RBFOX1: variants seen among roughly 807,000 people sequenced by gnomAD.
RBFOX1 encodes RNA binding fox-1 homolog 1.
In RBFOX1, 8 loss-of-function variants were observed where a neutral mutation model predicts 57.7. The observed-to-expected ratio is 0.14, with a 90% confidence interval of 0.08 to 0.25. RBFOX1 has a LOEUF of 0.25. RBFOX1 is among the 10% of genes least tolerant of loss of function. The pLI, the probability that RBFOX1 is intolerant of heterozygous loss-of-function variation, is 1.00. For missense variants in RBFOX1, 611 were observed against 548.5 expected (o/e 1.11, Z -1.14); for synonymous variants, 326 against 222.4 (o/e 1.47, Z -4.15).
chr16:6,044,749 T>A (rs2095477356), intron 1 of RBFOX1, among the ~76,000 whole-genome samples: 1 of 152,188 alleles, frequency 6.6e-6, no homozygotes, highest in South Asian at 2.1e-4. Flanking sequence ...AAATAACACA[T>A]ACCAAGATCC....
chr16:6,088,918 A>G (rs1316305406), intron 1 of RBFOX1, among the ~76,000 whole-genome samples: 1 of 151,928 alleles, frequency 6.6e-6, no homozygotes, highest in Non-Finnish European at 1.5e-5. Flanking sequence ...AACACAGTGA[A>G]ATCCCATCTC....
chr16:5,627,349 T>A (rs1241004624), intron 3 of RBFOX1, among the ~76,000 whole-genome samples: 1 of 152,176 alleles, frequency 6.6e-6, no homozygotes, highest in Non-Finnish European at 1.5e-5. Context: ...TCTGGTAGAA[T>A]TGTAAAACAG....
chr16:7,284,049 A>T (rs941620111), intron 4 of RBFOX1, among the ~76,000 whole-genome samples: 1 of 152,220 alleles, frequency 6.6e-6, no homozygotes, highest in African/African-American at 2.4e-5. Context: ...CGTAGCCTTT[A>T]GGCCTGACTA....
At chr16:7,097,512 G>C (rs1351177) in intron 4 of RBFOX1, among the ~76,000 whole-genome samples, 26,375 of 152,130 alleles carry the variant, frequency 0.17, 2,597 homozygotes, top group East Asian at 0.36. Context: ...TGTTTTAATT[G>C]AGAAGTGTTA....
At chr16:6,782,686 A>G (rs534738053) in intron 3 of RBFOX1, among the ~76,000 whole-genome samples, 1 of 152,308 alleles carries the variant, frequency 6.6e-6, no homozygotes, top group South Asian at 2.1e-4. Context: ...TGCCCATGAG[A>G]AGAATGTGTA....
At chr16:5,587,541 C>T (rs755517499) in intron 2 of RBFOX1, among the ~76,000 whole-genome samples, 14 of 152,064 alleles carry the variant, frequency 9.2e-5, no homozygotes, top group Admixed American at 6.5e-5. Context: ...GGTGAAACCC[C>T]GTCTCTACTA....
chr16:5,493,874 T>C (rs2042915033), intron 2 of RBFOX1, among the ~76,000 whole-genome samples: 1 of 152,140 alleles, frequency 6.6e-6, no homozygotes, highest in African/African-American at 2.4e-5. Context: ...GTAGCCAAAA[T>C]ATGAAATTAA....
intron 2 of RBFOX1, among the ~76,000 whole-genome samples, chr16:6,337,457 C>T (rs1438472880): frequency 6.6e-6 from 1 of 152,076 alleles, no homozygotes; most frequent in Non-Finnish European, 1.5e-5. Context: ...AACGAGAATA[C>T]GAATATATGT....
At chr16:6,167,119 A>G (rs1291763688) in intron 1 of RBFOX1, among the ~76,000 whole-genome samples, 3 of 152,140 alleles carry the variant, frequency 2.0e-5, no homozygotes, top group African/African-American at 4.8e-5. Context: ...AAGGGAGGGT[A>G]TTTGCTGACG....
At chr16:7,611,514 G>A (rs1596469537) in intron 10 of RBFOX1, among the ~76,000 whole-genome samples, 2 of 151,930 alleles carry the variant, frequency 1.3e-5, no homozygotes, top group African/African-American at 4.8e-5. Context: ...GGGAGGCAGA[G>A]GTTGCAGTGA....
rs562110625 is a variant in RBFOX1 at position 5,239,975 on chromosome 16, C to A, written c.89C>A (p.Pro30His). ...AGGAGGGAGGAGGACGACGTCCCTC[C>A]CGAAGAGAAGAGGCTGCGGCTGGGG... Residue 30 changes from proline to histidine, a missense_variant, in exon 1 of 3, where the codon CCC becomes CAC. Pro to His is a moderately conservative substitution (Grantham distance 77). Coordinates refer to the RBFOX1 transcript ENST00000585867. 257 of 1,529,484 alleles carry A rather than the reference C, an allele frequency of 1.7e-4. 4 individuals carry two copies. The South Asian group carries it at 2.9e-3, about 17-fold the overall frequency. 94.7% of individuals were successfully genotyped at this position (1,529,484 alleles called of 1,614,324 possible). A position where few individuals can be genotyped will look rare whatever the true frequency, so the allele number is the denominator to read the frequency against.
chr16:6,620,749 TG>T (rs2098217894), intron 2 of RBFOX1, among the ~76,000 whole-genome samples: 1 of 152,130 alleles, frequency 6.6e-6, no homozygotes, highest in African/African-American at 2.4e-5. Context: ...CTAGAAACTC[TG>T]AAAGAAATGG....
chr16:7,184,785 G>T (rs1186268485), intron 4 of RBFOX1, among the ~76,000 whole-genome samples: 5 of 152,286 alleles, frequency 3.3e-5, no homozygotes, highest in South Asian at 2.1e-4. Context: ...AGTTCTGAAT[G>T]TTTGTGCCTC....
At chr16:5,867,857 G>A (rs11076979) in intron 4 of RBFOX1, among the ~76,000 whole-genome samples, 38,539 of 151,832 alleles carry the variant, frequency 0.25, 5,117 homozygotes, top group Non-Finnish European at 0.28. Flanking sequence ...GATTACAGGT[G>A]TGCACCGCCA....
At chr16:6,348,753 T>C (rs1267257225) in intron 2 of RBFOX1, among the ~76,000 whole-genome samples, 2 of 152,092 alleles carry the variant, frequency 1.3e-5, no homozygotes, top group South Asian at 2.1e-4. Flanking sequence ...ACCAAGGGGA[T>C]GGTGCTAACC....
chr16:7,569,318 C>T (rs936828274), intron 5 of RBFOX1, among the ~76,000 whole-genome samples: 1 of 152,208 alleles, frequency 6.6e-6, no homozygotes, highest in African/African-American at 2.4e-5. Context: ...GATGATATTT[C>T]TATAGGCTCA....
chr16:6,195,761 G>T (rs1370126846), intron 1 of RBFOX1, among the ~76,000 whole-genome samples: 3 of 151,872 alleles, frequency 2.0e-5, no homozygotes, highest in African/African-American at 7.3e-5. Context: ...ATGGATATGT[G>T]CTCTCTCTGA....
intron 4 of RBFOX1, among the ~76,000 whole-genome samples, chr16:7,249,479 T>G (rs1304555335): frequency 6.6e-6 from 1 of 152,184 alleles, no homozygotes; most frequent in Non-Finnish European, 1.5e-5. Context: ...TTTTTCCAGC[T>G]ATCTGAATTC....
chr16:7,026,697 C>G (rs188246354), intron 3 of RBFOX1, among the ~76,000 whole-genome samples: 38 of 152,282 alleles, frequency 2.5e-4, no homozygotes, highest in African/African-American at 8.4e-4. Flanking sequence ...GGTCGGGTGA[C>G]TTACTGTGCC....
Sources: gnomAD v4.1 joint callset for allele counts (sites outside exome capture counted in the v4.1 genomes callset) on GRCh38, gnomAD v4.1.1 for gene constraint, MANE v1.5 for transcripts, NCBI Gene and HGNC (gene_info 2026-07-23, HGNC 2026-07-21) for gene names.